The following CEACAM19 variants were observed in gnomAD, a reference collection of about 807,000 sequenced individuals.
CEACAM19 encodes CEA cell adhesion molecule 19.
CEACAM19 carries 37 observed loss-of-function variants against 37.6 expected under a neutral mutation model. The ratio of observed to expected loss-of-function variants is 0.98; its 90% CI spans 0.76 to 1.29. CEACAM19 has a LOEUF of 1.29. Ranked by LOEUF, CEACAM19 falls within the 50% of genes most tolerant of loss-of-function variation. The pLI, the probability that CEACAM19 is intolerant of heterozygous loss-of-function variation, is 0.00. For synonymous variants in CEACAM19, 140 were observed against 149.8 expected (o/e 0.93, Z 0.48); for missense variants, 340 against 375.6 (o/e 0.91, Z 0.78).
chr19:44,667,829 T>TA (rs1817322049), upstream of CEACAM19, among the ~76,000 whole-genome samples: 1 of 76,444 alleles, frequency 1.3e-5, no homozygotes, highest in Non-Finnish European at 2.2e-5. Context: ...ATAAATTATA[T>TA]ATTTTATATA....
intron 3 of CEACAM19, 100 bp from the exon 4 acceptor site, chr19:44,678,753 T>G: frequency 1.1e-5 from 14 of 1,292,508 alleles, no homozygotes; most frequent in Non-Finnish European, 1.4e-5. Flanking sequence ...TTCCACCCCC[T>G]CCCCCCTCTC....
chr19:44,668,755 A>G (rs1423620432), upstream of CEACAM19, among the ~76,000 whole-genome samples: 40 of 99,412 alleles, frequency 4.0e-4, no homozygotes, highest in East Asian at 8.1e-3. Context: ...ATAATATAAT[A>G]TAATATATAT....
rs146405615 is a variant in CEACAM19 at position 44,679,197 on chromosome 19, G to T, written c.659+261G>T. ...TTGTAGAGACGGGATCTCACTTTGTGAGTCAGGCAGGTCTCAAACTCCTGG... is the reference window on the plus strand; with the variant it reads ...TTGTAGAGACGGGATCTCACTTTGTTAGTCAGGCAGGTCTCAAACTCCTGG... On this transcript the variant is annotated intron_variant, in intron 4 of 7. Coordinates refer to ENST00000358777, the MANE Select transcript of CEACAM19 (RefSeq NM_001127893.3). Among the ~76,000 whole-genome samples, 1,126 of 152,172 alleles carry T rather than the reference G, an allele frequency of 7.4e-3. 19 individuals carry two copies. Among genetic ancestry groups the T allele is most frequent in the African/African-American group, 0.026 (1,085 of 41,538 alleles).
At chr19:44,677,095 A>G (rs768773889) in intron 3 of CEACAM19, among the ~76,000 whole-genome samples, 1 of 152,146 alleles carries the variant, frequency 6.6e-6, no homozygotes, top group South Asian at 2.1e-4. Flanking sequence ...GCCCAGGCTC[A>G]TACTCCACTG....
chr19:44,672,145 C>T (rs1973865937), intron 1 of CEACAM19, among the ~76,000 whole-genome samples, 159 bp downstream of exon 1: 1 of 152,080 alleles, frequency 6.6e-6, no homozygotes, highest in Admixed American at 6.6e-5. Context: ...GCCATTTTAT[C>T]TATGGAATTT....
At chr19:44,668,614 A>G (rs1599783939), upstream of CEACAM19, among the ~76,000 whole-genome samples, 1 of 84,034 alleles carries the variant, frequency 1.2e-5, no homozygotes, top group Non-Finnish European at 2.0e-5. Flanking sequence ...ATATATGTAT[A>G]TAATTATATA....
At chr19:44,670,781 G>GAAAAAA (rs74691226), upstream of CEACAM19, among the ~76,000 whole-genome samples, 1 of 58,178 alleles carries the variant, frequency 1.7e-5, no homozygotes, top group African/African-American at 3.7e-5. Context: ...CCTGTCTCAA[G>GAAAAAA]AAAAAAAAAA....
upstream of CEACAM19, among the ~76,000 whole-genome samples, chr19:44,668,101 T>A (rs1216349214): frequency 3.5e-5 from 3 of 84,958 alleles, no homozygotes; most frequent in African/African-American, 9.6e-5. Flanking sequence ...TATATTTATA[T>A]AATATTTTAT....
intron 7 of CEACAM19, chr19:44,683,203 T>C (rs1974095673): frequency 2.3e-6 from 1 of 433,884 alleles, no homozygotes; most frequent in Non-Finnish European, 4.2e-6. Context: ...TCTCTCTCTC[T>C]CTCCATTCTC....
chr19:44,683,539 C>T lies in CEACAM19; in HGVS notation c.*49C>T. ...GGGAGAAGACAAGGCCCCAGCCCTCCTCTGGGAGCCTCACACCTGAGACCA... is the reference window on the plus strand; with the variant it reads ...GGGAGAAGACAAGGCCCCAGCCCTCTTCTGGGAGCCTCACACCTGAGACCA... On this transcript the variant is annotated 3_prime_UTR_variant, in exon 8 of 8. Transcript: ENST00000358777. 1 of 1,222,580 alleles carries T rather than the reference C, an allele frequency of 8.2e-7. No homozygotes were observed. The highest frequency in any genetic ancestry group is 1.5e-5 in the South Asian group (1 of 64,722). The allele number at this position is 1,222,580 out of a possible 1,614,324, so 75.7% of individuals were successfully genotyped here. A position where few individuals can be genotyped will look rare whatever the true frequency, so the allele number is the denominator to read the frequency against.
At position 44,676,292 on chromosome 19, in the gene CEACAM19, G is replaced by C; in HGVS notation, c.446G>C (p.Ser149Thr). 1 of 1,614,066 alleles carries C rather than the reference G, an allele frequency of 6.2e-7. No individual in the cohort carries two copies. Among genetic ancestry groups the C allele is most frequent in the Non-Finnish European group, 8.5e-7 (1 of 1,180,008 alleles). ...TCAGAAAAGAATAAGGAGCTGCCCAGTACACACCTGCCCACCAACGCTGGG... is the reference window on the plus strand; with the variant it reads ...TCAGAAAAGAATAAGGAGCTGCCCACTACACACCTGCCCACCAACGCTGGG... Reference protein sequence around the residue: ...QVAEKNKELPSTHLPTNAGIL... With the variant: ...QVAEKNKELPTTHLPTNAGIL... The change falls in exon 3 of 8, where the codon AGT becomes ACT. Residue 149 changes from serine to threonine, a missense_variant. By Grantham distance (58) the Ser-to-Thr change is moderately conservative (BLOSUM62 1). Coordinates refer to ENST00000358777, the MANE Select transcript of CEACAM19 (RefSeq NM_001127893.3).
rs774857502 is a variant in CEACAM19 at position 44,678,915 on chromosome 19, C to T, written c.638C>T (p.Pro213Leu). ...TTGTGCTCGGCTGTATCCCCAGTGC[C>T]TTCAGTGACGCCCAGCACATGGTTG... Reference protein sequence around the residue: ...SILCSAVSPVPSVTPSTWMAT... With the variant: ...SILCSAVSPVLSVTPSTWMAT... Residue 213 changes from proline to leucine, a missense_variant, in exon 4 of 8, where the codon CCT (proline) becomes CTT (leucine). Coordinates refer to ENST00000358777, the MANE Select transcript of CEACAM19 (RefSeq NM_001127893.3). 132 of 1,613,934 alleles carry T rather than the reference C, an allele frequency of 8.2e-5. No homozygotes were observed. The highest frequency in any genetic ancestry group is 7.6e-4 in the South Asian group (69 of 91,042).
At chr19:44,668,111 TATA>T (rs1257364565), upstream of CEACAM19, among the ~76,000 whole-genome samples, 668 of 87,622 alleles carry the variant, frequency 7.6e-3, 11 homozygotes, top group African/African-American at 0.029. Flanking sequence ...TAATATTTTA[TATA>T]ATATGTTATA....
chr19:44,681,117 C>T (rs1974050060), intron 5 of CEACAM19, 110 bp from the exon 6 acceptor site: 3 of 759,930 alleles, frequency 3.9e-6, no homozygotes, highest in South Asian at 3.3e-5. Flanking sequence ...CTAGAAGAAG[C>T]GTTTGCACAA....
At chr19:44,671,030 C>T (rs554610642), upstream of CEACAM19, among the ~76,000 whole-genome samples, 24 of 151,700 alleles carry the variant, frequency 1.6e-4, no homozygotes, top group South Asian at 3.7e-3. Context: ...GCAGAGGTTG[C>T]GGTGAACTGA....
At chr19:44,667,632 A>ATTATATATTTATAAATAT (rs1568511903), upstream of CEACAM19, among the ~76,000 whole-genome samples, 9 of 82,698 alleles carry the variant, frequency 1.1e-4, no homozygotes, top group African/African-American at 4.7e-4. Flanking sequence ...ATAAATATAT[A>ATTATATATTTATAAATAT]AATATATAAT....
chr19:44,675,997 C>T (rs1973941442), intron 2 of CEACAM19, among the ~76,000 whole-genome samples: 1 of 151,908 alleles, frequency 6.6e-6, no homozygotes, highest in Non-Finnish European at 1.5e-5. Flanking sequence ...TCTTGAACTC[C>T]TGGGCTCAAG....
At chr19:44,681,348 T>C (rs756464371) in intron 6 of CEACAM19, 36 bp downstream of exon 6, 1 of 1,454,558 alleles carries the variant, frequency 6.9e-7, no homozygotes, top group Non-Finnish European at 9.6e-7. Context: ...CTGAAGCCAA[T>C]GCTAACAGGC....
chr19:44,667,060 A>G (rs1038181398), upstream of CEACAM19: 1 of 151,872 alleles, frequency 6.6e-6, no homozygotes, highest in African/African-American at 2.4e-5. Flanking sequence ...AGCTCACAGC[A>G]GAGCTGCCCT....
Sources: allele counts gnomAD v4.1 joint callset (sites outside exome capture counted in the v4.1 genomes callset), GRCh38; gene constraint gnomAD v4.1.1; transcripts MANE v1.5; gene names NCBI Gene and HGNC (gene_info 2026-07-23, HGNC 2026-07-21).